FCRL4: variants seen among roughly 807,000 people sequenced by gnomAD.
FCRL4 encodes Fc receptor like 4.
In FCRL4, 43 loss-of-function variants were observed where a neutral mutation model predicts 64.1. That is an observed-to-expected ratio of 0.67 (90% CI 0.53 to 0.87). The LOEUF (loss-of-function observed/expected upper bound fraction) is 0.87. FCRL4 is among the 40% of genes least tolerant of loss of function. The pLI, the probability that FCRL4 is intolerant of heterozygous loss-of-function variation, is 0.00. For synonymous variants in FCRL4, 253 were observed against 239.8 expected, an observed-to-expected ratio of 1.05 and a Z score of -0.51; for missense variants, 656 against 613.5, an observed-to-expected ratio of 1.07 and a Z score of -0.73.
rs1308375290 is a variant in FCRL4 at position 157,575,331 on chromosome 1, T to G, written c.*193A>C. On this transcript the variant is annotated 3_prime_UTR_variant, in exon 12 of 12. Transcript: ENST00000271532. ...GGATCCTGGTCATTTTAGTGAAGTCTTTCAGAGGCCATTCCATCCCAACAT... is the reference window on the plus strand; with the variant it reads ...GGATCCTGGTCATTTTAGTGAAGTCGTTCAGAGGCCATTCCATCCCAACAT... 1.7e-6 allele frequency: 1 copy of G among 594,636 alleles called. No homozygotes were observed. Among genetic ancestry groups the G allele is most frequent in the African/African-American group, 1.9e-5 (1 of 53,756 alleles). 36.8% of individuals were successfully genotyped at this position (594,636 alleles called of 1,614,324 possible). A position where few individuals can be genotyped will look rare whatever the true frequency, so the allele number is the denominator to read the frequency against.
rs1240165535 is a variant in FCRL4 at position 157,596,247 on chromosome 1, G to T, written c.52+81C>A. 7.7e-6 allele frequency: 11 copies of T among 1,433,234 alleles called. No individual in the cohort carries two copies. In the East Asian group the frequency reaches 2.1e-4, roughly 27 times the overall value. The allele number at this position is 1,433,234 out of a possible 1,614,324, so 88.8% of individuals were successfully genotyped here. A position where few individuals can be genotyped will look rare whatever the true frequency, so the allele number is the denominator to read the frequency against. ...AGGAAAAGGATGAAATGGACAACAG[G>T]GACTCTTGTAAGTATTTGAGATAAA... On this transcript the variant is annotated intron_variant, in intron 2 of 11. Transcript: ENST00000271532.
At chr1:157,596,191 G>A (rs1443073216) in intron 2 of FCRL4, 137 bp downstream of exon 2, 4 of 944,446 alleles carry the variant, frequency 4.2e-6, no homozygotes, top group African/African-American at 1.6e-5. Flanking sequence ...GTCACCACAC[G>A]AGCTGATGTC....
At position 157,578,775 on chromosome 1, in the gene FCRL4, A is replaced by T; in HGVS notation, c.1355T>A (p.Val452Asp). 6.2e-7 allele frequency: 1 copy of T among 1,613,892 alleles called. No homozygotes were observed. Among genetic ancestry groups the T allele is most frequent in the East Asian group, 2.2e-5 (1 of 44,850 alleles). Residue 452 changes from valine to aspartate, a missense_variant, in exon 9 of 12, where the codon GTT (valine) becomes GAT (aspartate). By Grantham distance (152) the Val-to-Asp change is radical. Transcript: ENST00000271532. The part of the protein sequence containing the change: ...PAQVELQSLY[V>D]DVHPKKGDLV... The stretch of plus-strand genomic sequence containing the variant: ...TCCTAGAAGGGAATCCTCACCATCA[A>T]CATACAACGACTGAAGCTCCACCTG...
At chr1:157,596,531 C>G (rs1047393377) in intron 1 of FCRL4, among the ~76,000 whole-genome samples, 183 bp from the exon 2 acceptor site, 1 of 152,246 alleles carries the variant, frequency 6.6e-6, no homozygotes, top group South Asian at 2.1e-4. Context: ...CTCAGACAGT[C>G]TGGTTTGAAT....
At position 157,575,312 on chromosome 1, in the gene FCRL4, T is replaced by TG; in HGVS notation, c.*211dup. ...AGGGTCTTCTCTTAACTGTGGATCC[T>TG]GGTCATTTTAGTGAAGTCTTTCAGA... On this transcript the variant is annotated 3_prime_UTR_variant, in exon 12 of 12. Coordinates refer to ENST00000271532, the MANE Select transcript of FCRL4 (RefSeq NM_031282.3). 1.7e-6 allele frequency: 1 copy of TG among 577,570 alleles called. No individual in the cohort carries two copies. Among genetic ancestry groups the TG allele is most frequent in the Middle Eastern group, 4.7e-4 (1 of 2,138 alleles). 35.8% of individuals were successfully genotyped at this position (577,570 alleles called of 1,614,324 possible). A position where few individuals can be genotyped will look rare whatever the true frequency, so the allele number is the denominator to read the frequency against.
chr1:157,587,305 T>C lies in FCRL4; in HGVS notation c.818A>G (p.His273Arg). 2 of 1,614,222 alleles carry C rather than the reference T, an allele frequency of 1.2e-6. No individual in the cohort carries two copies. Among genetic ancestry groups the C allele is most frequent in the Non-Finnish European group, 1.7e-6 (2 of 1,180,034 alleles). Reference sequence around the variant, plus strand: ...CACATGGATCTGTAGCGAGGGACTGTGCTTGTGGATGTTACCCCTCACTGT... The same window carrying C: ...CACATGGATCTGTAGCGAGGGACTGCGCTTGTGGATGTTACCCCTCACTGT... ...AETVRGNIHK[H>R]SPSLQIHVQR... Residue 273 changes from histidine (H) to arginine (R), a missense_variant, in exon 5 of 12, where the codon CAC becomes CGC. Coordinates refer to ENST00000271532, the MANE Select transcript of FCRL4 (RefSeq NM_031282.3).
intron 2 of FCRL4, among the ~76,000 whole-genome samples, chr1:157,595,274 T>C (rs1394653528): frequency 6.6e-6 from 1 of 152,246 alleles, no homozygotes; most frequent in African/African-American, 2.4e-5. Context: ...TCAGTGGGAA[T>C]GGGGCTGTGT....
chr1:157,596,958 T>A (rs1009692482), intron 1 of FCRL4, among the ~76,000 whole-genome samples: 11 of 152,354 alleles, frequency 7.2e-5, no homozygotes, highest in Middle Eastern at 6.8e-3. Flanking sequence ...GAGAATTGGA[T>A]ACATTTATAC....
intron 10 of FCRL4, among the ~76,000 whole-genome samples, chr1:157,576,485 A>G (rs1260615095): frequency 3.3e-5 from 5 of 152,214 alleles, no homozygotes; most frequent in Non-Finnish European, 7.3e-5. Context: ...TTTGCATATG[A>G]TTTCAGGGGC....
chr1:157,584,680 T>C (rs1433609257), intron 6 of FCRL4, among the ~76,000 whole-genome samples: 2 of 152,116 alleles, frequency 1.3e-5, no homozygotes, highest in Admixed American at 1.3e-4. Context: ...CTTAACCTGG[T>C]GGGCCCTGCT....
chr1:157,577,783 CG>C (rs1316997604), intron 10 of FCRL4, among the ~76,000 whole-genome samples: 1 of 152,006 alleles, frequency 6.6e-6, no homozygotes, highest in Non-Finnish European at 1.5e-5. Context: ...TATCTTAGGC[CG>C]GGGTAAGAAC....
At chr1:157,588,652 A>G (rs1239959770) in intron 3 of FCRL4, among the ~76,000 whole-genome samples, 1 of 152,198 alleles carries the variant, frequency 6.6e-6, no homozygotes, top group African/African-American at 2.4e-5. Context: ...TCTTTCTTAG[A>G]TGACTGTGTT....
rs1214822489 is a variant in FCRL4, at chr1:157,589,240, G to A, written c.271C>T (p.Pro91Ser). ...GLYRCQARGSPRSNPVRLLFS... is the reference protein window; with the variant it reads ...GLYRCQARGSSRSNPVRLLFS... Reference sequence around the variant, plus strand: ...AGCAAGCGCACAGGGTTACTTCGTGGGGAGCCCCGGGCCTGGCATCTGTAC... The same window carrying A: ...AGCAAGCGCACAGGGTTACTTCGTGAGGAGCCCCGGGCCTGGCATCTGTAC... Residue 91 changes from proline (P) to serine (S), a missense_variant, in exon 3 of 12, where the codon CCA becomes TCA. Pro to Ser is a moderately conservative substitution (Grantham distance 74, BLOSUM62 -1). Transcript: ENST00000271532. The A allele has an allele frequency of 6.2e-7, 1 of 1,614,142 alleles. No individual in the cohort carries two copies. Among genetic ancestry groups the A allele is most frequent in the South Asian group, 1.1e-5 (1 of 91,066 alleles).
intron 6 of FCRL4, among the ~76,000 whole-genome samples, chr1:157,582,622 C>T (rs768903394): frequency 6.6e-6 from 1 of 152,170 alleles, no homozygotes; most frequent in African/African-American, 2.4e-5. Context: ...ATCATGATTT[C>T]CGTTTATTTT....
chr1:157,576,904 C>T (rs2101673716), intron 10 of FCRL4, among the ~76,000 whole-genome samples: 1 of 152,324 alleles, frequency 6.6e-6, no homozygotes, highest in East Asian at 1.9e-4. Flanking sequence ...GAAAGTCCTT[C>T]TCTGAGTCTT....
At chr1:157,586,683 T>C (rs1652706022) in intron 5 of FCRL4, among the ~76,000 whole-genome samples, 1 of 152,200 alleles carries the variant, frequency 6.6e-6, no homozygotes, top group Admixed American at 6.5e-5. Context: ...GGACTAACCC[T>C]GAAGAAGCAT....
chr1:157,585,238 T>TCTTTC (rs10658593), intron 6 of FCRL4, among the ~76,000 whole-genome samples: 54,963 of 150,076 alleles, frequency 0.37, 11,373 homozygotes, highest in East Asian at 0.72. Flanking sequence ...CTCTTTCCTT[T>TCTTTC]CTTTCCTTTC....
chr1:157,595,180 A>C (rs567783857), intron 2 of FCRL4, among the ~76,000 whole-genome samples: 1 of 152,324 alleles, frequency 6.6e-6, no homozygotes, highest in Admixed American at 6.5e-5. Flanking sequence ...GATTACAGGC[A>C]TGAGCCACTG....
At chr1:157,580,724 A>G (rs1430331820) in intron 7 of FCRL4, among the ~76,000 whole-genome samples, 2 of 152,232 alleles carry the variant, frequency 1.3e-5, no homozygotes, top group Non-Finnish European at 2.9e-5. Context: ...AGCCCCACTA[A>G]GGAGAATTGG....
Sources: allele counts gnomAD v4.1 joint callset (sites outside exome capture counted in the v4.1 genomes callset), GRCh38; gene constraint gnomAD v4.1.1; transcripts MANE v1.5; gene names NCBI Gene and HGNC (gene_info 2026-07-23, HGNC 2026-07-21).